CDH4: variants seen among roughly 807,000 people sequenced by gnomAD.
CDH4 encodes the protein cadherin-4.
Under a neutral mutation model 86.0 loss-of-function variants are expected in CDH4, and 33 were observed. The ratio of observed to expected loss-of-function variants is 0.38; its 90% confidence interval spans 0.29 to 0.51. The LOEUF (loss-of-function observed/expected upper bound fraction) is 0.51, where lower values mean the gene tolerates loss of function less well. CDH4 is among the 20% of genes least tolerant of loss of function. CDH4 has a pLI of 0.86. For synonymous variants in CDH4, 555 were observed against 549.4 expected (o/e 1.01, Z -0.14); for missense variants, 1,114 against 1,307.4 (o/e 0.85, Z 2.28).
intron 2 of CDH4, among the ~76,000 whole-genome samples, chr20:61,280,859 TC>T (rs1447226607): frequency 2.0e-5 from 3 of 152,070 alleles, no homozygotes; most frequent in African/African-American, 7.2e-5. Flanking sequence ...CCCTCCCTGT[TC>T]CCCCGAGTGA....
chr20:61,631,105 C>T (rs1735972008), intron 2 of CDH4, among the ~76,000 whole-genome samples: 1 of 152,212 alleles, frequency 6.6e-6, no homozygotes, highest in African/African-American at 2.4e-5. Context: ...GCAGTTCTGC[C>T]TGCTAAGCAC....
intron 3 of CDH4, among the ~76,000 whole-genome samples, chr20:61,764,604 G>C (rs1020068367): frequency 1.3e-5 from 2 of 152,086 alleles, no homozygotes; most frequent in Non-Finnish European, 1.5e-5. Flanking sequence ...TGGAGCCCAG[G>C]CTGTCATTTT....
chr20:61,415,872 G>A (rs6089517), intron 2 of CDH4, among the ~76,000 whole-genome samples: 2,501 of 151,890 alleles, frequency 0.016, 29 homozygotes, highest in Non-Finnish European at 0.027. Flanking sequence ...GCTACTTGTC[G>A]TATTTTTAGT....
intron 9 of CDH4, among the ~76,000 whole-genome samples, chr20:61,911,324 A>G (rs1054343468): frequency 6.6e-6 from 1 of 152,338 alleles, no homozygotes; most frequent in South Asian, 2.1e-4. Flanking sequence ...ATTTACTTAT[A>G]AAGGCCTATC....
intron 2 of CDH4, among the ~76,000 whole-genome samples, chr20:61,543,238 C>G (rs2086053793): frequency 1.3e-5 from 2 of 152,230 alleles, no homozygotes; most frequent in Non-Finnish European, 2.9e-5. Context: ...AGGAGCAGTA[C>G]TTTGCATCCT....
intron 2 of CDH4, among the ~76,000 whole-genome samples, chr20:61,543,585 TAAA>T (rs1370194728): frequency 6.6e-6 from 1 of 152,166 alleles, no homozygotes; most frequent in Non-Finnish European, 1.5e-5. Flanking sequence ...GTTATACAAT[TAAA>T]AAATAATAAT....
At chr20:61,687,202 C>T (rs2087592960) in intron 2 of CDH4, among the ~76,000 whole-genome samples, 1 of 152,258 alleles carries the variant, frequency 6.6e-6, no homozygotes, top group Non-Finnish European at 1.5e-5. Flanking sequence ...AGGTGCCCTC[C>T]TCTCCCGCTC....
At chr20:61,428,114 G>T (rs2085224837) in intron 2 of CDH4, among the ~76,000 whole-genome samples, 1 of 152,178 alleles carries the variant, frequency 6.6e-6, no homozygotes, top group Non-Finnish European at 1.5e-5. Context: ...CTGCTGAAAA[G>T]TGGGGCCAGG....
In CDH4 at chr20:61,774,329, C is replaced by T. The variant is rs532371947; in HGVS notation, c.576+1147C>T. ...TTGGAACCCCATCCTGGGCGAGCTT[C>T]CCAGGCCCACATCTCCTGGGCCCAC... On this transcript the variant is annotated intron_variant, in intron 4 of 15. Transcript: ENST00000614565. 4.6e-5 allele frequency among the ~76,000 whole-genome samples: 7 copies of T among 152,338 alleles called. No homozygotes were observed. The South Asian group carries it at 1.0e-3, about 23-fold the overall frequency.
chr20:61,866,462 G>GC (rs1470462962), intron 6 of CDH4, among the ~76,000 whole-genome samples: 1 of 152,188 alleles, frequency 6.6e-6, no homozygotes, highest in Non-Finnish European at 1.5e-5. Context: ...GGGGCCAGCT[G>GC]CCCTCTGTGC....
rs1981482367 is a variant in CDH4, at chr20:61,829,373, T to C, written c.577-15295T>C. ...CAGGGCCAAATAACATTTCACTGTG[T>C]GGGTGGACCACGTTTAGCCACTCAG... On this transcript the variant is annotated intron_variant, in intron 4 of 15. Transcript: ENST00000614565. This position sits in a 1 kb window ranked among gnomAD's most constrained non-coding sequence, Gnocchi z 4.2. Among the ~76,000 whole-genome samples, 1 of 152,230 alleles carries C rather than the reference T, an allele frequency of 6.6e-6. No individual in the cohort carries two copies. The highest frequency in any genetic ancestry group is 2.1e-4 in the South Asian group (1 of 4,834).
In CDH4 at chr20:61,681,893, G is replaced by A. The variant is rs1056177400; in HGVS notation, c.170-61670G>A. ...GCAAGCAGGTTCAGCAGAAAATGAC[G>A]TGATGCCAAGGCCAGGGCTGTGAAC... On this transcript the variant is annotated intron_variant, in intron 2 of 15. Coordinates refer to ENST00000614565, the MANE Select transcript of CDH4 (RefSeq NM_001794.5). This position sits in a 1 kb window ranked among gnomAD's most constrained non-coding sequence, Gnocchi z 4.5. 1.1e-4 allele frequency among the ~76,000 whole-genome samples: 16 copies of A among 152,134 alleles called. No individual in the cohort carries two copies. The highest frequency in any genetic ancestry group is 2.1e-4 in the South Asian group (1 of 4,820).
At chr20:61,566,201 G>A (rs2086296791) in intron 2 of CDH4, among the ~76,000 whole-genome samples, 1 of 152,194 alleles carries the variant, frequency 6.6e-6, no homozygotes, top group Admixed American at 6.5e-5. Context: ...GGGCCCATGT[G>A]GCTGACTCCT....
chr20:61,785,221 C>T (rs983794686), intron 4 of CDH4, among the ~76,000 whole-genome samples: 2 of 152,194 alleles, frequency 1.3e-5, no homozygotes, highest in African/African-American at 2.4e-5. Flanking sequence ...CCTGGCCATG[C>T]TTCACCATCT....
chr20:61,612,501 T>TA (rs778722619), intron 2 of CDH4, among the ~76,000 whole-genome samples: 6 of 152,188 alleles, frequency 3.9e-5, no homozygotes, highest in Admixed American at 6.5e-5. Context: ...GAGGGTGCCA[T>TA]ATGCATGCTG....
At chr20:61,575,456 TAA>T (rs1568693610) in intron 2 of CDH4, among the ~76,000 whole-genome samples, 2 of 152,214 alleles carry the variant, frequency 1.3e-5, no homozygotes, top group African/African-American at 4.8e-5. Flanking sequence ...GGGTAGTCTA[TAA>T]TGGTGGTAGA....
chr20:61,590,130 G>C (rs991587459), intron 2 of CDH4, among the ~76,000 whole-genome samples: 1 of 150,086 alleles, frequency 6.7e-6, no homozygotes, highest in Non-Finnish European at 1.5e-5. Flanking sequence ...AACGATTGTG[G>C]TTCCTCTGGC....
At chr20:61,375,610 G>T (rs2084863255) in intron 2 of CDH4, among the ~76,000 whole-genome samples, 1 of 143,746 alleles carries the variant, frequency 7.0e-6, no homozygotes, top group Admixed American at 6.8e-5. Flanking sequence ...CATAGCACTG[G>T]TGGTGATGGT....
intron 2 of CDH4, among the ~76,000 whole-genome samples, chr20:61,362,786 C>T (rs28477644): frequency 0.011 from 1,654 of 152,044 alleles, 17 homozygotes; most frequent in African/African-American, 0.035. Flanking sequence ...AAGGAGGTGG[C>T]GAGAGGATCA....
Sources: allele counts gnomAD v4.1 joint callset (sites outside exome capture counted in the v4.1 genomes callset), GRCh38; gene constraint gnomAD v4.1.1; non-coding constraint Gnocchi (gnomAD v3.1); transcripts MANE v1.5; gene names NCBI Gene and HGNC (gene_info 2026-07-23, HGNC 2026-07-21).